SOX5: variants seen among roughly 807,000 people sequenced by gnomAD.
SOX5 encodes the protein transcription factor SOX-5.
SOX5 carries 9 observed loss-of-function variants against 92.0 expected under a neutral mutation model. The ratio of observed to expected loss-of-function variants is 0.10; its 90% CI spans 0.06 to 0.17. The LOEUF (loss-of-function observed/expected upper bound fraction) is 0.17. Among genes scored for constraint, SOX5 ranks in the 10% least tolerant of loss-of-function variants. SOX5 has a pLI of 1.00. For synonymous variants in SOX5, 344 were observed against 336.3 expected (o/e 1.02, Z -0.25); for missense variants, 642 against 944.5 (o/e 0.68, Z 4.20).
chr12:24,317,893 C>T (rs1358252397), intron 2 of SOX5, among the ~76,000 whole-genome samples: 3 of 152,156 alleles, frequency 2.0e-5, no homozygotes, highest in Admixed American at 6.5e-5. Flanking sequence ...ATTCGCTCTT[C>T]CCTTATTCAA....
At chr12:23,628,820 T>A (rs1232865122) in intron 8 of SOX5, among the ~76,000 whole-genome samples, 3 of 151,862 alleles carry the variant, frequency 2.0e-5, no homozygotes, top group Non-Finnish European at 4.4e-5. Context: ...TTATTTTTAT[T>A]TTTTCTGTAG....
intron 4 of SOX5, among the ~76,000 whole-genome samples, chr12:23,956,438 G>T (rs1946289052): frequency 6.6e-6 from 1 of 152,068 alleles, no homozygotes; most frequent in Non-Finnish European, 1.5e-5. Context: ...TCATAGGAAG[G>T]CAAAACTTAT....
intron 8 of SOX5, among the ~76,000 whole-genome samples, chr12:23,616,352 T>C (rs1166970499): frequency 3.3e-5 from 5 of 152,178 alleles, no homozygotes; most frequent in Non-Finnish European, 7.4e-5. Flanking sequence ...TGTGAAACAT[T>C]TCTCCTGCTG....
intron 6 of SOX5, among the ~76,000 whole-genome samples, chr12:23,733,092 C>A (rs1268516617): frequency 6.6e-6 from 1 of 152,150 alleles, no homozygotes; most frequent in Non-Finnish European, 1.5e-5. Flanking sequence ...TTGGTCGGAA[C>A]AGTTTATTGA....
At chr12:23,784,488 G>A (rs868462127) in intron 3 of SOX5, among the ~76,000 whole-genome samples, 1 of 151,852 alleles carries the variant, frequency 6.6e-6, no homozygotes, top group Non-Finnish European at 1.5e-5. Flanking sequence ...CACCACGCCC[G>A]GCTAATTTTT....
chr12:23,706,229 C>A (rs2091375130), intron 6 of SOX5, among the ~76,000 whole-genome samples: 1 of 151,974 alleles, frequency 6.6e-6, no homozygotes, highest in African/African-American at 2.4e-5. Context: ...TAAAAGAGTA[C>A]AAATTATAGT....
At chr12:24,373,151 A>AGTT (rs1201205594) in intron 1 of SOX5, among the ~76,000 whole-genome samples, 4 of 152,122 alleles carry the variant, frequency 2.6e-5, no homozygotes, top group Non-Finnish European at 5.9e-5. Flanking sequence ...TTGGAAAACA[A>AGTT]CCATATGTTC....
chr12:23,557,509 T>A (rs1945387988), intron 11 of SOX5, among the ~76,000 whole-genome samples: 1 of 152,250 alleles, frequency 6.6e-6, no homozygotes, highest in Non-Finnish European at 1.5e-5. Flanking sequence ...ATGCTTATTT[T>A]TGTGAGTGAC....
intron 3 of SOX5, among the ~76,000 whole-genome samples, chr12:24,236,967 G>C (rs1263905374): frequency 2.0e-5 from 3 of 152,018 alleles, no homozygotes; most frequent in Admixed American, 2.0e-4. Flanking sequence ...GCCTAAAACA[G>C]GGCATCAGTT....
At chr12:23,578,168 T>C (rs1216303499) in intron 9 of SOX5, among the ~76,000 whole-genome samples, 1 of 115,858 alleles carries the variant, frequency 8.6e-6, no homozygotes, top group African/African-American at 3.1e-5. Context: ...GGCAATATTA[T>C]CCCTAATTGT....
chr12:24,088,544 A>G (rs1944279901), intron 4 of SOX5, among the ~76,000 whole-genome samples: 1 of 151,970 alleles, frequency 6.6e-6, no homozygotes, highest in Non-Finnish European at 1.5e-5. Context: ...TGAATTTGAT[A>G]ACTTGAATCT....
At chr12:24,279,080 C>T (rs1944858444) in intron 2 of SOX5, among the ~76,000 whole-genome samples, 2 of 151,972 alleles carry the variant, frequency 1.3e-5, no homozygotes, top group African/African-American at 4.8e-5. Flanking sequence ...ACATGAAAAA[C>T]TTGAATTAAA....
intron 4 of SOX5, among the ~76,000 whole-genome samples, chr12:24,025,083 C>A (rs1954735406): frequency 6.6e-6 from 1 of 151,794 alleles, no homozygotes; most frequent in Non-Finnish European, 1.5e-5. Flanking sequence ...GTAAAGAAAC[C>A]TGTAGAAAAT....
At chr12:23,903,993 T>C (rs973730888) in intron 1 of SOX5, among the ~76,000 whole-genome samples, 4 of 152,228 alleles carry the variant, frequency 2.6e-5, no homozygotes, top group African/African-American at 9.6e-5. Flanking sequence ...CATATCACTT[T>C]AATAAAAAAT....
intron 2 of SOX5, among the ~76,000 whole-genome samples, chr12:23,860,685 A>G (rs1184553727): frequency 6.6e-6 from 1 of 152,172 alleles, no homozygotes; most frequent in Non-Finnish European, 1.5e-5. Context: ...ATGTGCCTAC[A>G]AAAGGCAGGT....
At chr12:24,066,604 A>G (rs1417750603) in intron 4 of SOX5, among the ~76,000 whole-genome samples, 2 of 152,208 alleles carry the variant, frequency 1.3e-5, no homozygotes, top group Admixed American at 1.3e-4. Context: ...GAGTTATTTC[A>G]AAGTTTATCT....
chr12:23,625,226 T>A (rs2077618119), intron 8 of SOX5, among the ~76,000 whole-genome samples: 1 of 152,194 alleles, frequency 6.6e-6, no homozygotes, highest in African/African-American at 2.4e-5. Flanking sequence ...GAGCTGTGCT[T>A]CCACCTCTAC....
intron 4 of SOX5, among the ~76,000 whole-genome samples, chr12:23,968,982 T>A (rs1339629369): frequency 6.6e-6 from 1 of 152,196 alleles, no homozygotes; most frequent in Non-Finnish European, 1.5e-5. Context: ...TCTTCGTGGA[T>A]GTCTTACAGG....
At position 24,464,631 on chromosome 12, in the gene SOX5, G is replaced by A. The variant is rs139797315; in HGVS notation, c.-250-95992C>T. ...GCTGGGATTACAGGCGTGAGCCACCGCACCCGGTCTTGAGAGTTAATGTTT... is the reference window on the plus strand; with the variant it reads ...GCTGGGATTACAGGCGTGAGCCACCACACCCGGTCTTGAGAGTTAATGTTT... On this transcript the variant is annotated intron_variant, in intron 1 of 4. Transcript: ENST00000446891. 7.2e-3 allele frequency among the ~76,000 whole-genome samples: 1,103 copies of A among 152,244 alleles called. 14 individuals are homozygous for A. Among genetic ancestry groups the A allele is most frequent in the African/African-American group, 0.024 (1,010 of 41,548 alleles).
Sources: allele counts gnomAD v4.1 joint callset (sites outside exome capture counted in the v4.1 genomes callset), GRCh38; gene constraint gnomAD v4.1.1; transcripts MANE v1.5; gene names NCBI Gene and HGNC (gene_info 2026-07-23, HGNC 2026-07-21).